Variants in TDRD3 observed in about 807,000 individuals in gnomAD.
The protein encoded by TDRD3 is tudor domain containing 3, also known as tudor domain-containing protein 3.
TDRD3 carries 45 observed loss-of-function variants against 86.7 expected under a neutral mutation model. That is an observed-to-expected ratio of 0.52 (90% confidence interval 0.41 to 0.67). The LOEUF (loss-of-function observed/expected upper bound fraction) is 0.67, where lower values mean the gene tolerates loss of function less well. TDRD3 is among the 30% of genes least tolerant of loss of function. TDRD3 has a pLI of 0.00. For missense variants in TDRD3, 814 were observed against 889.0 expected (o/e 0.92, Z 1.07); for synonymous variants, 298 against 301.7 (o/e 0.99, Z 0.13).
chr13:60,542,785 A>G (rs1045689885), intron 12 of TDRD3, among the ~76,000 whole-genome samples: 2 of 152,120 alleles, frequency 1.3e-5, no homozygotes, highest in African/African-American at 4.8e-5. Context: ...ATTGTTTCCT[A>G]AACATTATAT....
chr13:60,416,561 G>T lies in TDRD3; in HGVS notation c.41+19156G>T, dbSNP rs73208052. Among the ~76,000 whole-genome samples the T allele has an allele frequency of 6.9e-3, 1,046 of 152,258 alleles. 8 individuals are homozygous for T. Among genetic ancestry groups the T allele is most frequent in the Middle Eastern group, 0.017 (5 of 294 alleles). ...TTTACGAATGCCTTTTCTTGTTGTT[G>T]TAATGTTTAGCACATGTATGACTGT... On this transcript the variant is annotated intron_variant, in intron 1 of 13. Coordinates refer to ENST00000377881, the MANE Select transcript of TDRD3 (RefSeq NM_001146070.2).
At chr13:60,451,276 C>A (rs547240697) in intron 3 of TDRD3, among the ~76,000 whole-genome samples, 1 of 152,232 alleles carries the variant, frequency 6.6e-6, no homozygotes, top group African/African-American at 2.4e-5. Flanking sequence ...CACAAAAAAG[C>A]GGGACCTGTG....
chr13:60,530,701 C>T (rs936876447), intron 11 of TDRD3, among the ~76,000 whole-genome samples: 10 of 151,730 alleles, frequency 6.6e-5, no homozygotes, highest in African/African-American at 1.5e-4. Context: ...GTGATCCACC[C>T]GCCTCGGCGT....
At chr13:60,561,320 T>G (rs1334114575) in intron 12 of TDRD3, among the ~76,000 whole-genome samples, 1 of 152,334 alleles carries the variant, frequency 6.6e-6, no homozygotes, top group East Asian at 1.9e-4. Context: ...GCCAGAGGCC[T>G]GCATTCCAGT....
intron 11 of TDRD3, among the ~76,000 whole-genome samples, chr13:60,534,787 G>A (rs1957662347): frequency 6.6e-6 from 1 of 151,610 alleles, no homozygotes; most frequent in African/African-American, 2.4e-5. Flanking sequence ...AATTAGCCAG[G>A]TGTGGTGGCA....
chr13:60,397,447 G>A (rs1178796613), intron 1 of TDRD3, 42 bp downstream of exon 1: 1 of 1,471,550 alleles, frequency 6.8e-7, no homozygotes, highest in South Asian at 1.3e-5. Context: ...GCGGGTGCGG[G>A]CCGGGGCCCC....
chr13:60,532,204 ACAGTACCTAACAATT>A (rs1957598103), intron 11 of TDRD3, among the ~76,000 whole-genome samples: 1 of 152,198 alleles, frequency 6.6e-6, no homozygotes, highest in African/African-American at 2.4e-5. Context: ...CATCTAAAAA[ACAGTACCTAACAATT>A]CAGTACCTAA....
At chr13:60,402,573 A>C (rs901421450) in intron 1 of TDRD3, among the ~76,000 whole-genome samples, 2 of 152,154 alleles carry the variant, frequency 1.3e-5, no homozygotes, top group Non-Finnish European at 2.9e-5. Context: ...ATGGCCTTTA[A>C]AGTAAGTCAC....
intron 7 of TDRD3, among the ~76,000 whole-genome samples, chr13:60,489,482 T>C (rs2137534005): frequency 6.6e-6 from 1 of 152,354 alleles, no homozygotes; most frequent in Non-Finnish European, 1.5e-5. Flanking sequence ...GCACAGGCTC[T>C]GGAATCACAG....
At chr13:60,461,075 A>G (rs1955793012) in intron 4 of TDRD3, 1 of 152,082 alleles carries the variant, frequency 6.6e-6, no homozygotes, top group Admixed American at 6.6e-5. Flanking sequence ...TTGAATGTTA[A>G]TTATAAAATG....
At chr13:60,500,970 G>A (rs1048534532) in intron 8 of TDRD3, among the ~76,000 whole-genome samples, 4 of 152,136 alleles carry the variant, frequency 2.6e-5, no homozygotes, top group Non-Finnish European at 5.9e-5. Context: ...TGGGAGGGAG[G>A]GAGGTTACGC....
chr13:60,409,614 G>A (rs1356472554), intron 1 of TDRD3, among the ~76,000 whole-genome samples: 1 of 152,096 alleles, frequency 6.6e-6, no homozygotes, highest in Non-Finnish European at 1.5e-5. Flanking sequence ...ACTTGCCTGG[G>A]CCCTGTAACC....
chr13:60,553,997 T>C (rs933023128), intron 12 of TDRD3, among the ~76,000 whole-genome samples: 8 of 152,238 alleles, frequency 5.3e-5, no homozygotes, highest in Admixed American at 1.3e-4. Context: ...ATAACAATAT[T>C]GGTTGCAAAG....
At chr13:60,483,890 G>A in intron 6 of TDRD3, 44 bp downstream of exon 6, 1 of 1,590,870 alleles carries the variant, frequency 6.3e-7, no homozygotes. Flanking sequence ...TTAGGAAAAA[G>A]TGTTTTTCAT....
intron 12 of TDRD3, among the ~76,000 whole-genome samples, chr13:60,543,965 T>G (rs961375577): frequency 2.2e-4 from 28 of 125,734 alleles, no homozygotes; most frequent in African/African-American, 7.8e-4. Flanking sequence ...AATATAGCTG[T>G]TTTTTTTTTT....
chr13:60,563,351 T>C (rs981344880), intron 12 of TDRD3, among the ~76,000 whole-genome samples: 5 of 152,052 alleles, frequency 3.3e-5, no homozygotes, highest in African/African-American at 1.2e-4. Context: ...TATAGAGAGT[T>C]GGGTCAGCAT....
intron 12 of TDRD3, among the ~76,000 whole-genome samples, chr13:60,541,482 T>C (rs568207741): frequency 6.6e-6 from 1 of 150,856 alleles, no homozygotes; most frequent in East Asian, 1.9e-4. Flanking sequence ...CATTCTTTTA[T>C]TTTTTTTTGT....
At chr13:60,514,059 G>A (rs920198967) in intron 10 of TDRD3, among the ~76,000 whole-genome samples, 1 of 152,198 alleles carries the variant, frequency 6.6e-6, no homozygotes, top group Non-Finnish European at 1.5e-5. Context: ...CTAGAGACTT[G>A]TTGAATGGCT....
chr13:60,423,751 G>T (rs1954722737), intron 1 of TDRD3, among the ~76,000 whole-genome samples: 1 of 152,100 alleles, frequency 6.6e-6, no homozygotes, highest in African/African-American at 2.4e-5. Flanking sequence ...AAAATGTAAT[G>T]ACAGTGACAC....
Sources: allele counts gnomAD v4.1 joint callset (sites outside exome capture counted in the v4.1 genomes callset), GRCh38; gene constraint gnomAD v4.1.1; transcripts MANE v1.5; gene names NCBI Gene and HGNC (gene_info 2026-07-23, HGNC 2026-07-21).